CNTNAP3B: variants seen among roughly 807,000 people sequenced by gnomAD.
The protein encoded by CNTNAP3B is contactin associated protein family member 3B.
Under a neutral mutation model 108.9 loss-of-function variants are expected in CNTNAP3B, and 25 were observed. The observed-to-expected ratio is 0.23, with a 90% confidence interval of 0.17 to 0.32. CNTNAP3B has a LOEUF of 0.32. Ranked by LOEUF, CNTNAP3B falls within the 10% of genes least tolerant of loss-of-function variation. The pLI is 1.00. For synonymous variants in CNTNAP3B, 103 were observed against 473.4 expected (o/e 0.22, Z 10.16); for missense variants, 252 against 1,210.4 (o/e 0.21, Z 11.75).
chr9:42,036,483 G>A lies in CNTNAP3B; in HGVS notation c.391-22958C>T, dbSNP rs1443809553. ...CTTTTTAAGATCGAACTGCAAGGCA[G>A]CAGCGAGACTAGGGGAGGAGCGCCC... On this transcript the variant is annotated intron_variant, in intron 3 of 23. Coordinates refer to ENST00000377561, the MANE Select transcript of CNTNAP3B (RefSeq NM_001201380.3). Among the ~76,000 whole-genome samples, 2 of 138,330 alleles carry A rather than the reference G, an allele frequency of 1.4e-5. 1 individual carries two copies. The highest frequency in any genetic ancestry group is 5.8e-5 in the African/African-American group (2 of 34,714). The allele number at this position is 138,330 out of a possible 152,430, so 90.7% of individuals were successfully genotyped here. A position where few individuals can be genotyped will look rare whatever the true frequency, so the allele number is the denominator to read the frequency against.
intron 10 of CNTNAP3B, among the ~76,000 whole-genome samples, chr9:41,965,281 G>A (rs1825235184): frequency 6.6e-6 from 1 of 152,208 alleles, no homozygotes; most frequent in African/African-American, 2.4e-5. Context: ...AAAATTCACA[G>A]GGAACCTCAA....
chr9:41,997,265 G>A (rs1288811191), intron 6 of CNTNAP3B, among the ~76,000 whole-genome samples: 1 of 151,762 alleles, frequency 6.6e-6, no homozygotes, highest in Non-Finnish European at 1.5e-5. Flanking sequence ...TATACCAGAT[G>A]AAATTTCAAA....
intron 13 of CNTNAP3B, among the ~76,000 whole-genome samples, chr9:41,941,402 T>C (rs1824338377): frequency 6.7e-6 from 1 of 149,618 alleles, no homozygotes; most frequent in Non-Finnish European, 1.5e-5. Context: ...GCAGAATGGC[T>C]ATCTCATAAA....
rs1411793874 is a variant in CNTNAP3B, at chr9:42,108,400, T to C, written c.86-3661A>G. On this transcript the variant is annotated intron_variant, in intron 1 of 23. Transcript: ENST00000377561. ...ATGATATAAAATGTTTTATTCAGGG[T>C]TGTTTTATATCTGTTCAAAAATGGT... 4.3e-5 allele frequency among the ~76,000 whole-genome samples: 6 copies of C among 138,872 alleles called. 1 individual carries two copies. Among genetic ancestry groups the C allele is most frequent in the Admixed American group, 4.3e-4 (6 of 13,922 alleles). The allele number at this position is 138,872 out of a possible 152,430, so 91.1% of individuals were successfully genotyped here.
chr9:41,979,811 A>T, intron 9 of CNTNAP3B: 2 of 112,508 alleles, frequency 1.8e-5, no homozygotes, highest in Non-Finnish European at 3.4e-5. Flanking sequence ...CTCGTCTTCA[A>T]CTCCTGATCT....
At position 42,107,105 on chromosome 9, in the gene CNTNAP3B, C is replaced by T. The variant is rs1312649478; in HGVS notation, c.86-2366G>A. 5.7e-5 allele frequency among the ~76,000 whole-genome samples: 5 copies of T among 88,262 alleles called. 1 individual carries two copies. The highest frequency in any genetic ancestry group is 3.7e-4 in the Admixed American group (3 of 8,188). The allele number at this position is 88,262 out of a possible 152,430, so 57.9% of individuals were successfully genotyped here. ...AAACAGCACTGGGCATTTCACGTGT[C>T]CCTGGGATTCCTGGCTGACATGTCT... On this transcript the variant is annotated intron_variant, in intron 1 of 23. Transcript: ENST00000377561.
chr9:41,968,116 T>A (rs1363486966), intron 10 of CNTNAP3B, among the ~76,000 whole-genome samples: 1 of 152,180 alleles, frequency 6.6e-6, no homozygotes, highest in East Asian at 1.9e-4. Context: ...GCAAAATGGA[T>A]CATCTCTGAA....
At position 42,110,315 on chromosome 9, in the gene CNTNAP3B, T is replaced by C. The variant is rs1396090280; in HGVS notation, c.86-5576A>G. ...TGCCAGGCTGTGGCTCTCCCCATGC[T>C]TGCGGCTGCACTTGCTCCTCACTGT... is the stretch of plus-strand genomic sequence containing the variant. On this transcript the variant is annotated intron_variant, in intron 1 of 23. Coordinates refer to ENST00000377561, the MANE Select transcript of CNTNAP3B (RefSeq NM_001201380.3). Among the ~76,000 whole-genome samples the C allele has an allele frequency of 2.2e-5, 3 of 137,020 alleles. 1 individual carries two copies. Among genetic ancestry groups the C allele is most frequent in the African/African-American group, 8.8e-5 (3 of 34,190 alleles). The allele number at this position is 137,020 out of a possible 152,430, so 89.9% of individuals were successfully genotyped here.
At chr9:41,931,427 G>A (rs1239033234) in intron 14 of CNTNAP3B, among the ~76,000 whole-genome samples, 106 of 152,344 alleles carry the variant, frequency 7.0e-4, no homozygotes, top group Admixed American at 2.9e-3. Flanking sequence ...TACTTAACTC[G>A]ACTTTTGTAC....
intron 13 of CNTNAP3B, among the ~76,000 whole-genome samples, chr9:41,941,423 G>A (rs1824338816): frequency 6.6e-6 from 1 of 150,490 alleles, no homozygotes; most frequent in South Asian, 2.1e-4. Context: ...ATAGACTTCA[G>A]AACAAAAATA....
At chr9:42,106,496 G>GA (rs1185960535) in intron 1 of CNTNAP3B, among the ~76,000 whole-genome samples, 3 of 123,444 alleles carry the variant, frequency 2.4e-5, no homozygotes, top group Non-Finnish European at 3.4e-5. Context: ...GAGCTGTTAA[G>GA]AAAGGTTTGC....
intron 13 of CNTNAP3B, among the ~76,000 whole-genome samples, chr9:41,947,696 A>T (rs1317421207): frequency 6.6e-6 from 1 of 151,956 alleles, no homozygotes; most frequent in Non-Finnish European, 1.5e-5. Context: ...GCAGATTTCA[A>T]TAGAATTTGA....
At chr9:42,030,813 G>GT (rs1156882673) in intron 3 of CNTNAP3B, among the ~76,000 whole-genome samples, 14 of 65,726 alleles carry the variant, frequency 2.1e-4, no homozygotes, top group East Asian at 1.0e-3. Context: ...GAGAGAGAGA[G>GT]GAGAGAGAGA....
intron 3 of CNTNAP3B, among the ~76,000 whole-genome samples, chr9:42,058,299 C>A (rs1827116458): frequency 6.6e-6 from 1 of 152,204 alleles, no homozygotes; most frequent in South Asian, 2.1e-4. Context: ...CACTGCTTTC[C>A]ATAATGGATA....
chr9:41,943,610 C>A (rs1243166082), intron 13 of CNTNAP3B, among the ~76,000 whole-genome samples: 1 of 150,714 alleles, frequency 6.6e-6, no homozygotes, highest in African/African-American at 2.5e-5. Flanking sequence ...CCTCGGCCTC[C>A]CAAAGTGCTG....
intron 2 of CNTNAP3B, among the ~76,000 whole-genome samples, chr9:42,079,756 G>T (rs1201831822): frequency 7.2e-6 from 1 of 138,372 alleles, no homozygotes; most frequent in African/African-American, 2.9e-5. Context: ...TCCTGACCTA[G>T]TGATTTGCCC....
In CNTNAP3B at chr9:42,127,737, C is replaced by G. The variant is rs560768688; in HGVS notation, c.85+1273G>C. Among the ~76,000 whole-genome samples, 148 of 139,360 alleles carry G rather than the reference C, an allele frequency of 1.1e-3. 24 individuals are homozygous for G. The highest frequency in any genetic ancestry group is 3.6e-3 in the African/African-American group (127 of 35,066). 91.4% of individuals were successfully genotyped at this position (139,360 alleles called of 152,430 possible). ...CAAAGCAATCCGGAGCTTGTTTTTT[C>G]GAAGGGCACACCAAGTGTAGGATTA... is the stretch of plus-strand genomic sequence containing the variant. On this transcript the variant is annotated intron_variant, in intron 1 of 23. Transcript: ENST00000377561.
chr9:41,951,959 C>A (rs1181566800), intron 13 of CNTNAP3B, among the ~76,000 whole-genome samples: 1 of 152,240 alleles, frequency 6.6e-6, no homozygotes, highest in Non-Finnish European at 1.5e-5. Context: ...CGCCTGTATT[C>A]TCAGCTATTC....
At chr9:41,923,549 G>T (rs1256315281) in intron 16 of CNTNAP3B, among the ~76,000 whole-genome samples, 1 of 152,154 alleles carries the variant, frequency 6.6e-6, no homozygotes, top group Non-Finnish European at 1.5e-5. Context: ...ATCACTTGAG[G>T]CCAGGAGTTG....
Sources: gnomAD v4.1 joint callset for allele counts (sites outside exome capture counted in the v4.1 genomes callset) on GRCh38, gnomAD v4.1.1 for gene constraint, MANE v1.5 for transcripts, NCBI Gene and HGNC (gene_info 2026-07-23, HGNC 2026-07-21) for gene names.